IRGM: variants seen among roughly 807,000 people sequenced by gnomAD.
IRGM encodes immunity related GTPase M, also known as immunity-related GTPase family M protein.
For synonymous variants in IRGM, 98 were observed against 80.6 expected (o/e 1.22, Z -1.16); for missense variants, 288 against 219.9 (o/e 1.31, Z -1.96).
chr5:150,849,038 C>T (rs769465728), downstream of IRGM, among the ~76,000 whole-genome samples: 1 of 151,934 alleles, frequency 6.6e-6, no homozygotes, highest in African/African-American at 2.4e-5. Flanking sequence ...AAAATGTTAA[C>T]CCCACGGTAT....
chr5:150,880,574 G>A (rs1179926377), intron 3 of IRGM, among the ~76,000 whole-genome samples: 1 of 152,204 alleles, frequency 6.6e-6, no homozygotes, highest in Admixed American at 6.5e-5. Flanking sequence ...GTCCTCCTAG[G>A]TCATGTATCT....
intron 3 of IRGM, chr5:150,895,399 C>T: frequency 2.0e-6 from 3 of 1,531,412 alleles, no homozygotes; most frequent in Non-Finnish European, 2.7e-6. Context: ...TGAGCTAATA[C>T]TAAGGCTTTT....
intron 3 of IRGM, among the ~76,000 whole-genome samples, chr5:150,899,684 A>C (rs550184765): frequency 6.6e-6 from 1 of 152,272 alleles, no homozygotes; most frequent in East Asian, 1.9e-4. Context: ...CATAACATCA[A>C]AAATGAATTT....
chr5:150,896,972 G>C, intron 3 of IRGM: 1 of 1,599,626 alleles, frequency 6.3e-7, no homozygotes, highest in Non-Finnish European at 8.5e-7. Flanking sequence ...TACTCTTCCT[G>C]TCTAAAAGAA....
chr5:150,859,798 T>G (rs1754110435), intron 1 of IRGM, among the ~76,000 whole-genome samples: 1 of 152,138 alleles, frequency 6.6e-6, no homozygotes, highest in Non-Finnish European at 1.5e-5. Flanking sequence ...TTTTATTGCA[T>G]CTATTTGATT....
At chr5:150,884,611 T>A (rs915555244) in intron 3 of IRGM, among the ~76,000 whole-genome samples, 6 of 152,168 alleles carry the variant, frequency 3.9e-5, no homozygotes, top group African/African-American at 1.4e-4. Flanking sequence ...GTAATAGCCA[T>A]TTTAACTGGT....
intron 1 of IRGM, among the ~76,000 whole-genome samples, chr5:150,875,816 G>A (rs1415709414): frequency 3.3e-5 from 5 of 152,166 alleles, no homozygotes; most frequent in Admixed American, 6.5e-5. Flanking sequence ...CATTCCTTGG[G>A]GTGATCAGCC....
chr5:150,862,405 G>A lies in IRGM; in HGVS notation c.158+13751G>A, dbSNP rs912332307. On this transcript the variant is annotated intron_variant and NMD_transcript_variant, in intron 1 of 3. Coordinates refer to the IRGM transcript ENST00000520549. The stretch of plus-strand genomic sequence containing the variant: ...GTACAAGGGGTGAATATCAAAGGAG[G>A]GAATAATTGGGAACTGTTTTAGAGT... Among the ~76,000 whole-genome samples the A allele has an allele frequency of 2.0e-4, 30 of 152,156 alleles. 1 individual carries two copies. Among genetic ancestry groups the A allele is most frequent in the Admixed American group, 2.0e-3 (30 of 15,274 alleles).
intron 3 of IRGM, chr5:150,896,358 T>C (rs1754780731): frequency 6.2e-7 from 1 of 1,613,554 alleles, no homozygotes. Context: ...ATATGGTTTC[T>C]TTCCAGTATG....
At chr5:150,872,416 T>C (rs1348081124) in intron 1 of IRGM, among the ~76,000 whole-genome samples, 1 of 152,196 alleles carries the variant, frequency 6.6e-6, no homozygotes, top group African/African-American at 2.4e-5. Context: ...GGCAAGACAA[T>C]GTTTATTCTC....
intron 3 of IRGM, chr5:150,897,965 C>T (rs1209442659): frequency 6.9e-7 from 1 of 1,447,942 alleles, no homozygotes; most frequent in South Asian, 1.4e-5. Context: ...ACTAAATTCT[C>T]AGCATAGAAG....
intron 1 of IRGM, among the ~76,000 whole-genome samples, chr5:150,871,622 A>T (rs1754282665): frequency 6.6e-6 from 1 of 152,192 alleles, no homozygotes; most frequent in African/African-American, 2.4e-5. Context: ...GTTTTTCCTT[A>T]TGGAAGCCCA....
chr5:150,897,171 G>A (rs890824475), intron 3 of IRGM: 2 of 442,064 alleles, frequency 4.5e-6, no homozygotes, highest in Non-Finnish European at 7.9e-6. Flanking sequence ...AAATATTCAT[G>A]TAAAAACTAA....
chr5:150,853,423 G>A (rs1754003902), downstream of IRGM, among the ~76,000 whole-genome samples: 1 of 152,098 alleles, frequency 6.6e-6, no homozygotes, highest in African/African-American at 2.4e-5. Context: ...GTTGGGTGAA[G>A]TGTTCTGCAT....
At chr5:150,866,904 A>C in intron 1 of IRGM, among the ~76,000 whole-genome samples, 1 of 152,320 alleles carries the variant, frequency 6.6e-6, no homozygotes, top group Non-Finnish European at 1.5e-5. Context: ...TCTATTTGCA[A>C]GTGATTTTTT....
chr5:150,885,741 C>T (rs553717132), intron 3 of IRGM, among the ~76,000 whole-genome samples: 8 of 152,094 alleles, frequency 5.3e-5, no homozygotes, highest in Non-Finnish European at 1.0e-4. Context: ...TATAGGAATG[C>T]TGCTGATTTT....
downstream of IRGM, among the ~76,000 whole-genome samples, chr5:150,852,180 C>T (rs1028364706): frequency 6.6e-6 from 1 of 152,096 alleles, no homozygotes; most frequent in African/African-American, 2.4e-5. Flanking sequence ...GACAGTTTGA[C>T]CTCCGTGGTA....
chr5:150,876,633 T>C (rs1442516656), intron 1 of IRGM, among the ~76,000 whole-genome samples: 1 of 152,182 alleles, frequency 6.6e-6, no homozygotes, highest in Non-Finnish European at 1.5e-5. Context: ...AGTTTTACCA[T>C]GCCCTGTGAT....
At chr5:150,882,491 A>C (rs1754460057) in intron 3 of IRGM, among the ~76,000 whole-genome samples, 1 of 152,164 alleles carries the variant, frequency 6.6e-6, no homozygotes, top group Admixed American at 6.5e-5. Flanking sequence ...TCAACTTTAT[A>C]ACTGAAAGTC....
Sources: allele counts gnomAD v4.1 joint callset (sites outside exome capture counted in the v4.1 genomes callset), GRCh38; gene constraint gnomAD v4.1.1; transcripts MANE v1.5; gene names NCBI Gene and HGNC (gene_info 2026-07-23, HGNC 2026-07-21).